MAP4: variants seen among roughly 807,000 people sequenced by gnomAD.
The protein encoded by MAP4 is microtubule associated protein 4.
MAP4 carries 76 observed loss-of-function variants against 170.2 expected under a neutral mutation model. The ratio of observed to expected loss-of-function variants is 0.45; its 90% CI spans 0.37 to 0.54. The LOEUF is 0.54. MAP4 is among the 20% of genes least tolerant of loss of function. The probability of loss-of-function intolerance (pLI) is 0.00; values close to 1 mark genes in which losing one functional copy is unlikely to be tolerated. For missense variants in MAP4, 2,506 were observed against 2,748.0 expected, an observed-to-expected ratio of 0.91 and a Z score of 1.97; for synonymous variants, 909 against 994.5, an observed-to-expected ratio of 0.91 and a Z score of 1.62.
At chr3:48,064,844 G>C (rs2100137592) in intron 1 of MAP4, among the ~76,000 whole-genome samples, 1 of 152,014 alleles carries the variant, frequency 6.6e-6, no homozygotes, top group Non-Finnish European at 1.5e-5. Context: ...GTAACACAAT[G>C]GTAAGCATCT....
At chr3:47,995,006 G>C (rs2100094554) in intron 2 of MAP4, among the ~76,000 whole-genome samples, 2 of 152,056 alleles carry the variant, frequency 1.3e-5, no homozygotes, top group South Asian at 2.1e-4. Flanking sequence ...ATTGGCGAGT[G>C]GTTACTCCAG....
intron 1 of MAP4, among the ~76,000 whole-genome samples, chr3:48,052,439 C>T (rs1452777209): frequency 6.6e-6 from 1 of 152,108 alleles, no homozygotes. Context: ...TCGGGCTGGT[C>T]TTGAACTCCT....
At chr3:47,900,393 G>A (rs2100029361) in intron 10 of MAP4, among the ~76,000 whole-genome samples, 1 of 152,140 alleles carries the variant, frequency 6.6e-6, no homozygotes, top group Non-Finnish European at 1.5e-5. Context: ...AATAAGCTGA[G>A]GCGAATAATC....
intron 2 of MAP4, among the ~76,000 whole-genome samples, chr3:47,998,321 G>T (rs1251971604): frequency 1.3e-5 from 2 of 152,146 alleles, no homozygotes; most frequent in Non-Finnish European, 2.9e-5. Flanking sequence ...TATAACCGCA[G>T]AATTTTATTT....
intron 3 of MAP4, among the ~76,000 whole-genome samples, chr3:47,971,606 T>C (rs2100078794): frequency 6.6e-6 from 1 of 152,208 alleles, no homozygotes; most frequent in Non-Finnish European, 1.5e-5. Context: ...CTTAGTGCAA[T>C]GTGTCTAGCC....
chr3:47,935,971 C>T (rs1338713998), intron 3 of MAP4, among the ~76,000 whole-genome samples: 5 of 150,270 alleles, frequency 3.3e-5, no homozygotes, highest in Middle Eastern at 3.4e-3. Flanking sequence ...TAGGAATATA[C>T]CTCAAAAAAA....
chr3:47,914,067 T>C (rs963460099), intron 8 of MAP4, among the ~76,000 whole-genome samples: 3 of 152,182 alleles, frequency 2.0e-5, no homozygotes, highest in Non-Finnish European at 4.4e-5. Flanking sequence ...TACCAGCCTC[T>C]CAGGTAATGT....
intron 17 of MAP4, among the ~76,000 whole-genome samples, chr3:47,858,332 C>T (rs1559778729): frequency 1.3e-5 from 2 of 152,010 alleles, no homozygotes; most frequent in African/African-American, 4.8e-5. Flanking sequence ...CACTTCTAAC[C>T]CCACCTCCAG....
intron 1 of MAP4, among the ~76,000 whole-genome samples, chr3:48,052,877 G>A (rs2100128653): frequency 6.6e-6 from 1 of 152,090 alleles, no homozygotes; most frequent in African/African-American, 2.4e-5. Context: ...GGAAAAATAT[G>A]GAAACTGATA....
At chr3:48,037,728 T>C (rs1480868409) in intron 1 of MAP4, among the ~76,000 whole-genome samples, 1 of 151,892 alleles carries the variant, frequency 6.6e-6, no homozygotes, top group Non-Finnish European at 1.5e-5. Flanking sequence ...TCAACCTACC[T>C]CCATCCCTAT....
intron 3 of MAP4, among the ~76,000 whole-genome samples, chr3:47,942,358 G>GT (rs953457596): frequency 1.3e-5 from 2 of 151,990 alleles, no homozygotes; most frequent in Non-Finnish European, 2.9e-5. Context: ...ACTACTGACA[G>GT]TTTTTTTTAA....
At chr3:48,059,915 G>A (rs1053488713) in intron 1 of MAP4, among the ~76,000 whole-genome samples, 6 of 151,806 alleles carry the variant, frequency 4.0e-5, no homozygotes, top group Non-Finnish European at 5.9e-5. Flanking sequence ...GGAGGATGCA[G>A]TGGGCTGAGA....
chr3:48,068,418 G>C (rs1389654957), intron 1 of MAP4, among the ~76,000 whole-genome samples: 1 of 152,024 alleles, frequency 6.6e-6, no homozygotes, highest in East Asian at 1.9e-4. Flanking sequence ...TTATATTTTA[G>C]AGGTAGGATC....
chr3:47,981,158 T>C (rs1379392197), intron 2 of MAP4, among the ~76,000 whole-genome samples: 1 of 152,026 alleles, frequency 6.6e-6, no homozygotes, highest in Non-Finnish European at 1.5e-5. Context: ...ACAACAAATG[T>C]CCACCAACAG....
chr3:47,961,575 CCT>C (rs2100071597), intron 3 of MAP4, among the ~76,000 whole-genome samples: 1 of 152,120 alleles, frequency 6.6e-6, no homozygotes, highest in East Asian at 1.9e-4. Context: ...CAATATATTG[CCT>C]CTCAATTCCA....
chr3:48,029,959 G>A (rs1237554851), intron 1 of MAP4, among the ~76,000 whole-genome samples: 1 of 149,022 alleles, frequency 6.7e-6, no homozygotes, highest in Non-Finnish European at 1.5e-5. Flanking sequence ...GATCCCTACT[G>A]CACAGAGCAA....
intron 10 of MAP4, among the ~76,000 whole-genome samples, chr3:47,899,864 C>T (rs1460680318): frequency 6.6e-6 from 1 of 152,164 alleles, no homozygotes; most frequent in Non-Finnish European, 1.5e-5. Flanking sequence ...CGCATGGATT[C>T]CTGTGTGTCT....
Position 48,025,936 on chromosome 3 carries a change from T to TAATAATAATAAC in MAP4, c.-19-27058_-19-27057insGTTATTATTATT, listed in dbSNP as rs796434506. Among the ~76,000 whole-genome samples, 43 of 147,534 alleles carry TAATAATAATAAC rather than the reference T, an allele frequency of 2.9e-4. 1 individual carries two copies. Among genetic ancestry groups the TAATAATAATAAC allele is most frequent in the South Asian group, 6.4e-4 (3 of 4,708 alleles). On this transcript the variant is annotated intron_variant, in intron 1 of 18. Transcript: ENST00000360240. Reference sequence around the variant, plus strand: ...ATAATAATAATAATAATAATAATAATAACAATAATAATAATATGCTGACTT... The same window carrying TAATAATAATAAC: ...ATAATAATAATAATAATAATAATAATAATAATAATAACAACAATAATAATAATATGCTGACTT...
rs374208589 is a variant in MAP4, at chr3:47,863,937, T to TGTGTGTGGGGG, written c.6501+3308_6501+3309insCCCCCACACAC. Among the ~76,000 whole-genome samples, 42 of 138,468 alleles carry TGTGTGTGGGGG rather than the reference T, an allele frequency of 3.0e-4. 2 individuals carry two copies. Among genetic ancestry groups the TGTGTGTGGGGG allele is most frequent in the Non-Finnish European group, 5.7e-4 (36 of 62,980 alleles). 90.8% of individuals were successfully genotyped at this position (138,468 alleles called of 152,430 possible). A position where few individuals can be genotyped will look rare whatever the true frequency, so the allele number is the denominator to read the frequency against. On this transcript the variant is annotated intron_variant, in intron 17 of 20. Transcript: ENST00000683076. Reference sequence around the variant, plus strand: ...GTGGGTGTGGGTGTGTGTGTGTGTGTGGGGAGTGGTGGGGGGTGTAATGCT... The same window carrying TGTGTGTGGGGG: ...GTGGGTGTGGGTGTGTGTGTGTGTGTGTGTGTGGGGGGGGGAGTGGTGGGGGGTGTAATGCT...
Sources: allele counts gnomAD v4.1 joint callset (sites outside exome capture counted in the v4.1 genomes callset), GRCh38; gene constraint gnomAD v4.1.1; transcripts MANE v1.5; gene names NCBI Gene and HGNC (gene_info 2026-07-23, HGNC 2026-07-21).